Variants in PPARGC1A observed in about 807,000 individuals in gnomAD.
PPARGC1A encodes the protein PPARG coactivator 1 alpha.
Under a neutral mutation model 88.7 loss-of-function variants are expected in PPARGC1A, and 25 were observed. That is an observed-to-expected ratio of 0.28 (90% confidence interval 0.21 to 0.39). The LOEUF is 0.39. Ranked by LOEUF, PPARGC1A falls within the 10% of genes least tolerant of loss-of-function variation. PPARGC1A has a pLI of 1.00. For missense variants in PPARGC1A, 880 were observed against 968.7 expected, an observed-to-expected ratio of 0.91 and a Z score of 1.22; for synonymous variants, 363 against 355.6, an observed-to-expected ratio of 1.02 and a Z score of -0.24.
At chr4:23,820,595 T>G (rs1013516040) in intron 7 of PPARGC1A, 6 of 433,908 alleles carry the variant, frequency 1.4e-5, no homozygotes, top group Admixed American at 2.5e-5. Context: ...TTCTCTCATC[T>G]TGCTTTACTA....
the PPARGC1A span, among the ~76,000 whole-genome samples, chr4:24,074,501 A>G: frequency 6.6e-6 from 1 of 152,118 alleles, no homozygotes; most frequent in Non-Finnish European, 1.5e-5. Context: ...ATAAAATTAT[A>G]TAATGTAAGT....
the PPARGC1A span, among the ~76,000 whole-genome samples, chr4:24,219,385 C>T: frequency 2.0e-5 from 3 of 152,228 alleles, no homozygotes; most frequent in South Asian, 2.1e-4. Flanking sequence ...ATTCCCGGGC[C>T]GAATCTTACA....
At chr4:24,291,635 G>A in the PPARGC1A span, among the ~76,000 whole-genome samples, 1 of 152,212 alleles carries the variant, frequency 6.6e-6, no homozygotes, top group African/African-American at 2.4e-5. Context: ...TGAAGCAGTA[G>A]AACCGCCTTC....
intron 2 of PPARGC1A, among the ~76,000 whole-genome samples, chr4:23,880,488 C>T (rs967725452): frequency 5.9e-5 from 9 of 152,148 alleles, no homozygotes; most frequent in African/African-American, 2.2e-4. Flanking sequence ...GGCAGATTCC[C>T]TACTCCTCAA....
At chr4:23,913,267 T>TATATATATATATAGAGAGAGAGAG in the PPARGC1A span, among the ~76,000 whole-genome samples, 1 of 77,532 alleles carries the variant, frequency 1.3e-5, no homozygotes, top group African/African-American at 5.6e-5. Flanking sequence ...TATATATATA[T>TATATATATATATAGAGAGAGAGAG]AGAGAGAGAG....
At chr4:23,979,303 A>G in the PPARGC1A span, among the ~76,000 whole-genome samples, 2 of 152,206 alleles carry the variant, frequency 1.3e-5, no homozygotes, top group African/African-American at 2.4e-5. Flanking sequence ...TTTAAGGGAT[A>G]CTTTCTCCTG....
the PPARGC1A span, among the ~76,000 whole-genome samples, chr4:24,290,491 T>C: frequency 3.3e-5 from 5 of 152,184 alleles, no homozygotes; most frequent in Non-Finnish European, 5.9e-5. Flanking sequence ...ATGGAGATTA[T>C]AATATCTATC....
At chr4:24,085,904 C>G in the PPARGC1A span, among the ~76,000 whole-genome samples, 2 of 152,102 alleles carry the variant, frequency 1.3e-5, no homozygotes, top group Non-Finnish European at 2.9e-5. Context: ...CCTCATCTAC[C>G]AAATAGGAAT....
At chr4:24,194,139 A>AG in the PPARGC1A span, among the ~76,000 whole-genome samples, 10 of 151,632 alleles carry the variant, frequency 6.6e-5, no homozygotes, top group African/African-American at 2.4e-4. Context: ...CAAAAAAAAA[A>AG]AAAAAAGTAC....
chr4:24,455,260 C>T, the PPARGC1A span, among the ~76,000 whole-genome samples: 23 of 152,260 alleles, frequency 1.5e-4, no homozygotes, highest in East Asian at 2.7e-3. Context: ...GTGGGAGGAT[C>T]ACTTGAGGCC....
the PPARGC1A span, among the ~76,000 whole-genome samples, chr4:24,013,445 T>C: frequency 3.9e-5 from 6 of 152,116 alleles, no homozygotes; most frequent in Admixed American, 3.3e-4. Context: ...CTCCTTCTTC[T>C]CTTTGTATTC....
chr4:23,953,361 C>T, the PPARGC1A span, among the ~76,000 whole-genome samples: 172 of 152,192 alleles, frequency 1.1e-3, no homozygotes, highest in Middle Eastern at 3.4e-3. Context: ...AGTATTACTC[C>T]GTACTATTCC....
the PPARGC1A span, among the ~76,000 whole-genome samples, chr4:24,230,781 T>A: frequency 5.9e-5 from 9 of 152,068 alleles, no homozygotes; most frequent in Non-Finnish European, 1.3e-4. Flanking sequence ...GTGGTCAGGC[T>A]TGACAAAGAT....
At chr4:23,815,776 T>C (rs1334411953) in intron 7 of PPARGC1A, among the ~76,000 whole-genome samples, 1 of 152,134 alleles carries the variant, frequency 6.6e-6, no homozygotes, top group Non-Finnish European at 1.5e-5. Context: ...TAGTTTACAA[T>C]ACATTTTCTG....
At chr4:24,118,243 C>A in the PPARGC1A span, among the ~76,000 whole-genome samples, 1 of 152,254 alleles carries the variant, frequency 6.6e-6, no homozygotes, top group East Asian at 1.9e-4. Flanking sequence ...TGGGCCAAGG[C>A]AGGGACTCCA....
At chr4:24,016,523 G>A in the PPARGC1A span, among the ~76,000 whole-genome samples, 2 of 152,102 alleles carry the variant, frequency 1.3e-5, no homozygotes, top group Admixed American at 1.3e-4. Flanking sequence ...GGCCTATTCA[G>A]AAGGAGTGCC....
the PPARGC1A span, among the ~76,000 whole-genome samples, chr4:23,921,090 G>T: frequency 1.3e-5 from 2 of 152,108 alleles, no homozygotes; most frequent in South Asian, 2.1e-4. Context: ...AAAGGAGTGG[G>T]CTACACCACT....
At chr4:24,123,019 G>T in the PPARGC1A span, among the ~76,000 whole-genome samples, 2 of 152,198 alleles carry the variant, frequency 1.3e-5, no homozygotes, top group Non-Finnish European at 2.9e-5. Flanking sequence ...TTGAGTGTGT[G>T]TGTGTGTGCA....
chr4:23,833,154 TATA>T (rs1373990231), intron 2 of PPARGC1A, among the ~76,000 whole-genome samples: 6 of 152,170 alleles, frequency 3.9e-5, no homozygotes. Context: ...CATTATAAAA[TATA>T]ATATTTATTT....
Sources: allele counts gnomAD v4.1 joint callset (sites outside exome capture counted in the v4.1 genomes callset), GRCh38; gene constraint gnomAD v4.1.1; transcripts MANE v1.5; gene names NCBI Gene and HGNC (gene_info 2026-07-23, HGNC 2026-07-21).